NELL1: variants seen among roughly 807,000 people sequenced by gnomAD.
NELL1 encodes the protein neural EGFL like 1.
In NELL1, 76 loss-of-function variants were observed where a neutral mutation model predicts 107.4. The observed-to-expected ratio is 0.71, with a 90% CI of 0.59 to 0.86. The LOEUF (loss-of-function observed/expected upper bound fraction) is 0.86, where lower values mean the gene tolerates loss of function less well. NELL1 is among the 40% of genes least tolerant of loss of function. The probability of loss-of-function intolerance (pLI) is 0.00; values close to 1 mark genes in which losing one functional copy is unlikely to be tolerated. For missense variants in NELL1, 1,024 were observed against 1,005.5 expected, an observed-to-expected ratio of 1.02 and a Z score of -0.25; for synonymous variants, 353 against 341.2, an observed-to-expected ratio of 1.03 and a Z score of -0.38.
chr11:21,441,379 G>A (rs1370231086), intron 15 of NELL1, among the ~76,000 whole-genome samples: 1 of 126,242 alleles, frequency 7.9e-6, no homozygotes, highest in Non-Finnish European at 1.7e-5. Context: ...GTGTGTGTGT[G>A]TGTTCTATGA....
chr11:21,538,012 A>G (rs1398055479), intron 16 of NELL1, among the ~76,000 whole-genome samples: 1 of 152,198 alleles, frequency 6.6e-6, no homozygotes, highest in African/African-American at 2.4e-5. Flanking sequence ...TCTTAATAAC[A>G]TAGCTTAATA....
At chr11:21,184,371 C>T (rs367602359) in intron 13 of NELL1, among the ~76,000 whole-genome samples, 3 of 151,692 alleles carry the variant, frequency 2.0e-5, no homozygotes, top group Non-Finnish European at 4.4e-5. Context: ...TGGGTTCAAG[C>T]GATTCTCCTC....
intron 15 of NELL1, among the ~76,000 whole-genome samples, chr11:21,454,034 T>C (rs10766810): frequency 0.88 from 125,147 of 141,976 alleles, 55,225 homozygotes; most frequent in East Asian, 0.98. Context: ...CCCACTAACT[T>C]GTCATCTAGC....
chr11:21,369,542 A>G (rs1851310454), intron 14 of NELL1, among the ~76,000 whole-genome samples: 1 of 142,330 alleles, frequency 7.0e-6, no homozygotes, highest in African/African-American at 2.4e-5. Context: ...GAAAACAACA[A>G]TATTGTGAGG....
chr11:21,353,925 T>C (rs1850872198), intron 14 of NELL1, among the ~76,000 whole-genome samples: 1 of 152,174 alleles, frequency 6.6e-6, no homozygotes, highest in African/African-American at 2.4e-5. Flanking sequence ...TCAGTGTATT[T>C]TTCCCAAGAT....
At chr11:20,724,409 A>G (rs1034728453) in intron 2 of NELL1, among the ~76,000 whole-genome samples, 4 of 152,184 alleles carry the variant, frequency 2.6e-5, no homozygotes, top group Non-Finnish European at 5.9e-5. Context: ...ATGCTTTCAG[A>G]ATAAGACAGG....
At chr11:21,412,052 G>A (rs1852392106) in intron 15 of NELL1, among the ~76,000 whole-genome samples, 1 of 152,110 alleles carries the variant, frequency 6.6e-6, no homozygotes. Flanking sequence ...TGTGATGACA[G>A]AGTTTGAAGT....
chr11:21,242,295 C>A (rs1858383399), intron 14 of NELL1, among the ~76,000 whole-genome samples: 1 of 152,004 alleles, frequency 6.6e-6, no homozygotes, highest in South Asian at 2.1e-4. Flanking sequence ...GTGTCTCTAA[C>A]CTCTTGGTTT....
chr11:21,003,948 T>C (rs1007293350), intron 12 of NELL1, among the ~76,000 whole-genome samples: 2 of 152,104 alleles, frequency 1.3e-5, no homozygotes, highest in Admixed American at 6.6e-5. Flanking sequence ...TGTGGAGTGA[T>C]GAATGTGAGA....
chr11:20,767,276 T>C (rs1406431933), intron 2 of NELL1, among the ~76,000 whole-genome samples: 1 of 152,200 alleles, frequency 6.6e-6, no homozygotes, highest in Non-Finnish European at 1.5e-5. Flanking sequence ...TTCCACAGCA[T>C]GGAAGGGGAG....
chr11:20,793,765 A>T (rs1857118781), intron 3 of NELL1, among the ~76,000 whole-genome samples: 1 of 152,308 alleles, frequency 6.6e-6, no homozygotes, highest in African/African-American at 2.4e-5. Context: ...AAAGTGATTA[A>T]ATTAAAAATG....
At chr11:20,855,790 T>C (rs1174624660) in intron 4 of NELL1, among the ~76,000 whole-genome samples, 1 of 152,222 alleles carries the variant, frequency 6.6e-6, no homozygotes, top group Non-Finnish European at 1.5e-5. Flanking sequence ...ATATTAGTTT[T>C]CTCTGTTCCT....
intron 12 of NELL1, among the ~76,000 whole-genome samples, chr11:21,076,700 G>T (rs1446608839): frequency 6.6e-6 from 1 of 152,126 alleles, no homozygotes; most frequent in Admixed American, 6.6e-5. Context: ...GAGGTGTTTG[G>T]GTAAAGGGGG....
intron 14 of NELL1, among the ~76,000 whole-genome samples, chr11:21,354,353 CCTT>C (rs1286479272): frequency 6.6e-6 from 1 of 152,086 alleles, no homozygotes; most frequent in Non-Finnish European, 1.5e-5. Context: ...TTTCCTCCCT[CCTT>C]CTTTCTACTC....
rs114241656 is a variant in NELL1 at position 20,932,741 on chromosome 11, C to T, written c.997+4262C>T. 1.8e-3 allele frequency among the ~76,000 whole-genome samples: 273 copies of T among 152,294 alleles called. 1 individual carries two copies. The highest frequency in any genetic ancestry group is 6.2e-3 in the African/African-American group (256 of 41,570). Reference sequence around the variant, plus strand: ...CAGTTTTGGGGGAGCCAAAATAAAGCCCTGGCAGTCTGGCTTCAGAACCCA... The same window carrying T: ...CAGTTTTGGGGGAGCCAAAATAAAGTCCTGGCAGTCTGGCTTCAGAACCCA... On this transcript the variant is annotated intron_variant, in intron 9 of 19. Coordinates refer to ENST00000357134, the MANE Select transcript of NELL1 (RefSeq NM_006157.5).
intron 11 of NELL1, among the ~76,000 whole-genome samples, chr11:20,951,140 TTTTGCTCACTGTC>T (rs1851061212): frequency 3.3e-5 from 5 of 152,284 alleles, no homozygotes; most frequent in Admixed American, 3.3e-4. Flanking sequence ...AGAGAGTGGA[TTTTGCTCACTGTC>T]ATTGTCATGT....
chr11:21,119,422 T>G (rs1437235103), intron 13 of NELL1, among the ~76,000 whole-genome samples: 3 of 150,416 alleles, frequency 2.0e-5, no homozygotes, highest in Non-Finnish European at 3.0e-5. Context: ...TATGGGATAA[T>G]AAAGCTCCAA....
intron 12 of NELL1, among the ~76,000 whole-genome samples, chr11:21,034,746 A>C (rs1342479680): frequency 6.6e-6 from 1 of 151,934 alleles, no homozygotes; most frequent in Non-Finnish European, 1.5e-5. Context: ...CACAGACCAG[A>C]GCTAAGAGGG....
intron 5 of NELL1, among the ~76,000 whole-genome samples, chr11:20,897,745 C>A (rs889269994): frequency 3.3e-5 from 5 of 152,100 alleles, no homozygotes; most frequent in African/African-American, 4.8e-5. Flanking sequence ...ACCCCATCAA[C>A]AAGTGGGCAA....
Sources: allele counts gnomAD v4.1 joint callset (sites outside exome capture counted in the v4.1 genomes callset), GRCh38; gene constraint gnomAD v4.1.1; transcripts MANE v1.5; gene names NCBI Gene and HGNC (gene_info 2026-07-23, HGNC 2026-07-21).